MTUS2: variants seen among roughly 807,000 people sequenced by gnomAD.
MTUS2 encodes microtubule-associated tumor suppressor candidate 2.
MTUS2 carries 40 observed loss-of-function variants against 114.1 expected under a neutral mutation model. That is an observed-to-expected ratio of 0.35 (90% CI 0.27 to 0.46). The LOEUF is 0.46. MTUS2 is among the 20% of genes least tolerant of loss of function. The pLI is 1.00. For missense variants in MTUS2, 1,679 were observed against 1,705.4 expected (o/e 0.98, Z 0.27); for synonymous variants, 688 against 672.0 (o/e 1.02, Z -0.37).
chr13:29,491,836 GGT>G (rs1228159038), intron 11 of MTUS2, among the ~76,000 whole-genome samples: 22 of 136,940 alleles, frequency 1.6e-4, no homozygotes, highest in South Asian at 7.3e-4. Flanking sequence ...GTGTGTGGTA[GGT>G]GTGTGTGTGT....
rs78230194 is a variant in MTUS2 at position 29,190,831 on chromosome 13, G to T, written c.2644+89861G>T. The stretch of plus-strand genomic sequence containing the variant: ...CCAGGTCTGCTAGACAGTGAACCTC[G>T]GCCACCAGTTGACCTGACGTTCACT... On this transcript the variant is annotated intron_variant, in intron 5 of 15. Transcript: ENST00000612955. 3.7e-3 allele frequency among the ~76,000 whole-genome samples: 557 copies of T among 152,228 alleles called. 11 individuals carry two copies. Among genetic ancestry groups the T allele is most frequent in the Non-Finnish European group, 5.6e-3 (379 of 68,018 alleles).
At chr13:29,168,213 G>A (rs9579300) in intron 5 of MTUS2, among the ~76,000 whole-genome samples, 1 of 152,064 alleles carries the variant, frequency 6.6e-6, no homozygotes, top group African/African-American at 2.4e-5. Flanking sequence ...ACAAGAAACT[G>A]CTGACTTTTC....
intron 2 of MTUS2, among the ~76,000 whole-genome samples, chr13:28,929,227 A>G (rs1431529516): frequency 6.6e-6 from 1 of 152,182 alleles, no homozygotes; most frequent in African/African-American, 2.4e-5. Flanking sequence ...AGTTAGCTCA[A>G]AGAAATAAGA....
intron 2 of MTUS2, among the ~76,000 whole-genome samples, chr13:28,969,966 A>G (rs527980536): frequency 1.8e-4 from 27 of 152,298 alleles, no homozygotes; most frequent in African/African-American, 6.0e-4. Context: ...ATTTTAGTAG[A>G]GACAGGGTTT....
chr13:29,350,153 T>C (rs982214676), intron 7 of MTUS2, among the ~76,000 whole-genome samples: 10 of 152,212 alleles, frequency 6.6e-5, no homozygotes, highest in Non-Finnish European at 1.2e-4. Flanking sequence ...ATAACATTTA[T>C]TTACTAACTT....
intron 7 of MTUS2, among the ~76,000 whole-genome samples, chr13:29,355,493 T>G (rs546785617): frequency 9.8e-5 from 15 of 152,366 alleles, no homozygotes; most frequent in African/African-American, 3.6e-4. Flanking sequence ...GGTTCAGCAA[T>G]GTGCTTAATT....
intron 5 of MTUS2, among the ~76,000 whole-genome samples, chr13:29,126,881 G>A (rs956212801): frequency 3.9e-5 from 6 of 152,154 alleles, no homozygotes; most frequent in African/African-American, 1.4e-4. Flanking sequence ...GTGGTTAATG[G>A]TACCCATATC....
chr13:28,913,270 A>T (rs1265104875), intron 2 of MTUS2, among the ~76,000 whole-genome samples: 1 of 152,004 alleles, frequency 6.6e-6, no homozygotes, highest in East Asian at 1.9e-4. Context: ...GGCTCTTATT[A>T]CTTTGAGGTA....
chr13:28,945,448 G>A (rs1882476780), intron 2 of MTUS2, among the ~76,000 whole-genome samples: 1 of 152,032 alleles, frequency 6.6e-6, no homozygotes, highest in Non-Finnish European at 1.5e-5. Flanking sequence ...ATTCCCACTG[G>A]CAGTGTATAA....
intron 8 of MTUS2, among the ~76,000 whole-genome samples, chr13:29,365,510 T>TGTGTGTG (rs141144487): frequency 1.4e-5 from 2 of 146,822 alleles, no homozygotes; most frequent in African/African-American, 5.0e-5. Flanking sequence ...TTGTTTGGGT[T>TGTGTGTG]TGTGTGTGTG....
intron 5 of MTUS2, among the ~76,000 whole-genome samples, chr13:29,281,060 A>G (rs1354542955): frequency 6.6e-6 from 1 of 152,214 alleles, no homozygotes; most frequent in Non-Finnish European, 1.5e-5. Context: ...AATGTCTTCT[A>G]CCTTGGAAGT....
intron 2 of MTUS2, among the ~76,000 whole-genome samples, chr13:28,953,026 A>G (rs1390521727): frequency 1.3e-5 from 2 of 152,230 alleles, no homozygotes; most frequent in African/African-American, 2.4e-5. Flanking sequence ...GCAATTTGTG[A>G]GAATGCCCCT....
intron 2 of MTUS2, among the ~76,000 whole-genome samples, chr13:28,921,068 A>G (rs577038536): frequency 5.3e-5 from 8 of 152,332 alleles, no homozygotes; most frequent in African/African-American, 1.9e-4. Context: ...CTGGTACCTG[A>G]GGTACAAGAC....
chr13:29,493,384 G>A (rs1012139120), intron 12 of MTUS2, among the ~76,000 whole-genome samples: 2 of 152,188 alleles, frequency 1.3e-5, no homozygotes, highest in African/African-American at 4.8e-5. Flanking sequence ...AGCTGCCTGG[G>A]AAGCCAGGGG....
At position 28,950,780 on chromosome 13, in the gene MTUS2, A is replaced by G. The variant is rs1243987298; in HGVS notation, c.-242-73677A>G. 3.9e-5 allele frequency among the ~76,000 whole-genome samples: 6 copies of G among 152,340 alleles called. No homozygotes were observed. The East Asian group carries it at 7.7e-4, about 20-fold the overall frequency. On this transcript the variant is annotated intron_variant, in intron 2 of 15. Coordinates refer to ENST00000612955, the MANE Select transcript of MTUS2 (RefSeq NM_001033602.4). ...GATCACAGATCACTGTAACAGATAT[A>G]TTAATAATGAAAAAGTTTGAAATAT... is the stretch of plus-strand genomic sequence containing the variant.
At chr13:29,218,152 A>G (rs551805857) in intron 5 of MTUS2, among the ~76,000 whole-genome samples, 1 of 144,022 alleles carries the variant, frequency 6.9e-6, no homozygotes, top group African/African-American at 2.9e-5. Context: ...AAACAAAACA[A>G]AAAAAAAACA....
chr13:29,376,043 G>A (rs201090044), intron 8 of MTUS2, among the ~76,000 whole-genome samples: 1 of 114,890 alleles, frequency 8.7e-6, no homozygotes, highest in Non-Finnish European at 1.8e-5. Flanking sequence ...ATATATATGT[G>A]TGTGTGTGTG....
At chr13:28,832,391 A>C (rs1874749025) in intron 1 of MTUS2, among the ~76,000 whole-genome samples, 1 of 152,136 alleles carries the variant, frequency 6.6e-6, no homozygotes, top group African/African-American at 2.4e-5. Flanking sequence ...AAAATGTGGA[A>C]ATTAATATAC....
intron 5 of MTUS2, among the ~76,000 whole-genome samples, chr13:29,224,471 T>C (rs965203794): frequency 2.0e-5 from 3 of 152,154 alleles, no homozygotes; most frequent in Non-Finnish European, 4.4e-5. Flanking sequence ...ATCTGGACTG[T>C]TTTTATTTAT....
Sources: gnomAD v4.1 joint callset for allele counts (sites outside exome capture counted in the v4.1 genomes callset) on GRCh38, gnomAD v4.1.1 for gene constraint, MANE v1.5 for transcripts, NCBI Gene and HGNC (gene_info 2026-07-23, HGNC 2026-07-21) for gene names.